Variants in CARD10 observed in about 807,000 individuals in gnomAD.
The protein encoded by CARD10 is caspase recruitment domain-containing protein 10.
A neutral mutation model predicts 114.6 loss-of-function variants in CARD10; 49 were observed. That is an observed-to-expected ratio of 0.43 (90% CI 0.34 to 0.54). The LOEUF (loss-of-function observed/expected upper bound fraction) is 0.54. Among genes scored for constraint, CARD10 ranks in the 20% least tolerant of loss-of-function variants. CARD10 has a pLI of 0.03. For missense variants in CARD10, 1,206 were observed against 1,397.2 expected (o/e 0.86, Z 2.18); for synonymous variants, 602 against 593.2 (o/e 1.01, Z -0.21).
intron 3 of CARD10, among the ~76,000 whole-genome samples, chr22:37,511,055 C>A (rs1205325875): frequency 6.8e-6 from 1 of 146,542 alleles, no homozygotes. Flanking sequence ...ACACTCCAGC[C>A]TGGGCAGCAG....
rs779732014 is a variant in CARD10, at chr22:37,510,420, A to T, written c.701T>A (p.Val234Glu). 1 of 1,613,170 alleles carries T rather than the reference A, an allele frequency of 6.2e-7. No homozygotes were observed. The highest frequency in any genetic ancestry group is 1.7e-5 in the Admixed American group (1 of 59,996). Residue 234 changes from valine (V) to glutamate (E), a missense_variant and splice_region_variant, in exon 4 of 20, where the codon GTG becomes GAG. Around this residue, in one of 2 missense-constraint regions of CARD10, gnomAD observed 1,068 missense variants for 1,179.1 expected, o/e 0.91. Transcript: ENST00000251973. ...VLRSRDLQLA[V>E]DQLKLKVSRL... The stretch of plus-strand genomic sequence containing the variant: ...ACTCACTTTGAGCTTGAGCTGATCC[A>T]CCTGGAGCCCAAGACATGGGTCAGC...
chr22:37,518,825 A>G, intron 1 of CARD10, 141 bp downstream of exon 1: 1 of 1,041,682 alleles, frequency 9.6e-7, no homozygotes, highest in Non-Finnish European at 1.3e-6. Context: ...GCTGGTGGGC[A>G]TACCCAGCCG....
At position 37,507,872 on chromosome 22, in the gene CARD10, G is replaced by C. The variant is rs776687884; in HGVS notation, c.1148C>G (p.Thr383Ser). 2 of 1,614,204 alleles carry C rather than the reference G, an allele frequency of 1.2e-6. No individual in the cohort carries two copies. Among genetic ancestry groups the C allele is most frequent in the African/African-American group, 1.3e-5 (1 of 75,066 alleles). ...DCDLYKHRMA[T>S]VLAQLEEIEK... is the part of the protein sequence containing the mutation. ...AATCTCCTCCAGTTGGGCCAGGACA[G>C]TGGCCATGCGGTGCTTGTACAGGTC... The change falls in exon 6 of 20, where the codon ACT becomes AGT. Residue 383 changes from threonine to serine, a missense_variant. This residue lies in a region of CARD10 where 1,068 missense variants were observed against 1,179.1 expected (regional missense o/e 0.91). Coordinates refer to ENST00000251973, the MANE Select transcript of CARD10 (RefSeq NM_014550.4).
In CARD10 at chr22:37,496,730, C is replaced by T. The variant is rs150364155; in HGVS notation, c.1948-170G>A. On this transcript the variant is annotated intron_variant, in intron 12 of 19. Coordinates refer to ENST00000251973, the MANE Select transcript of CARD10 (RefSeq NM_014550.4). The surrounding 1 kb of genome is among the most constrained non-coding windows in gnomAD (Gnocchi z 4.1). Reference sequence around the variant, plus strand: ...GTCAGACCCGTCCCCATCCACAGGACGCCCCCATCCACAGGACTCCCCAAC... The same window carrying T: ...GTCAGACCCGTCCCCATCCACAGGATGCCCCCATCCACAGGACTCCCCAAC... The T allele has an allele frequency of 1.0e-3, 656 of 643,542 alleles. 6 individuals carry two copies. The African/African-American group carries it at 0.011, about 11-fold the overall frequency. 39.9% of individuals were successfully genotyped at this position (643,542 alleles called of 1,614,324 possible).
At position 37,519,333 on chromosome 22, in the gene CARD10, C is replaced by G. The variant is rs1923953804; in HGVS notation, c.-133G>C. On this transcript the variant is annotated 5_prime_UTR_variant, in exon 1 of 20. Coordinates refer to ENST00000251973, the MANE Select transcript of CARD10 (RefSeq NM_014550.4). This position sits in a 1 kb window ranked among gnomAD's most constrained non-coding sequence, Gnocchi z 4.1. ...CGTCGGGGGCGCGCCCCGAGCTCCC[C>G]GCGACTCACCCCGCACGCTACAGTC... 7.5e-6 allele frequency: 10 copies of G among 1,335,080 alleles called. No homozygotes were observed. Among genetic ancestry groups the G allele is most frequent in the East Asian group, 3.1e-5 (1 of 32,478 alleles). 82.7% of individuals were successfully genotyped at this position (1,335,080 alleles called of 1,614,324 possible). A position where few individuals can be genotyped will look rare whatever the true frequency, so the allele number is the denominator to read the frequency against.
chr22:37,510,608 G>A, intron 3 of CARD10, 187 bp from the exon 4 acceptor site: 2 of 592,584 alleles, frequency 3.4e-6, no homozygotes, highest in Non-Finnish European at 5.9e-6. Context: ...AAACAGGGCT[G>A]AGGAAGGAGC....
intron 4 of CARD10, chr22:37,508,947 T>G: frequency 6.6e-7 from 1 of 1,517,636 alleles, no homozygotes; most frequent in Non-Finnish European, 8.9e-7. Flanking sequence ...CTGGACAAGT[T>G]CACCCAGGAT....
chr22:37,516,264 C>A lies in CARD10; in HGVS notation c.408G>T (p.Leu136Phe). Residue 136 changes from leucine (L) to phenylalanine (F), a missense_variant, in exon 3 of 20, where the codon TTG (leucine) becomes TTT (phenylalanine). Physicochemically the swap from Leu to Phe is conservative, Grantham distance 22. Coordinates refer to ENST00000251973, the MANE Select transcript of CARD10 (RefSeq NM_014550.4). Reference sequence around the variant, plus strand: ...CCCGCAGCCGTCGCACCTCTGTCATCAAGAATTGGGTCAGGCCCTCAGGCC... The same window carrying A: ...CCCGCAGCCGTCGCACCTCTGTCATAAAGAATTGGGTCAGGCCCTCAGGCC... Reference protein sequence around the residue: ...EEGPEGLTQFLMTEVRRLREA... With the variant: ...EEGPEGLTQFFMTEVRRLREA... 1 of 1,603,936 alleles carries A rather than the reference C, an allele frequency of 6.2e-7. No individual in the cohort carries two copies. The highest frequency in any genetic ancestry group is 8.5e-7 in the Non-Finnish European group (1 of 1,175,876).
At chr22:37,505,730 G>C (rs1401816032) in intron 7 of CARD10, among the ~76,000 whole-genome samples, 2 of 151,982 alleles carry the variant, frequency 1.3e-5, no homozygotes, top group Non-Finnish European at 2.9e-5. Flanking sequence ...CAGCTCCAGT[G>C]CTAGCTGGCT....
rs141659865 is a variant in CARD10 at position 37,509,501 on chromosome 22, G to A, written c.909+711C>T. 7.6e-4 allele frequency among the ~76,000 whole-genome samples: 115 copies of A among 152,160 alleles called. No homozygotes were observed. In the East Asian group the frequency reaches 0.016, roughly 21 times the overall value. ...ACTCCATCCAGATCTCAGATCCCTG[G>A]TTCTGAAATCCTCAGCTTCCCAGGC... On this transcript the variant is annotated intron_variant, in intron 4 of 19. Transcript: ENST00000251973.
rs1366121301 is a variant in CARD10, at chr22:37,491,135, G to C, written c.*24C>G. 1 of 1,521,168 alleles carries C rather than the reference G, an allele frequency of 6.6e-7. No individual in the cohort carries two copies. Among genetic ancestry groups the C allele is most frequent in the Admixed American group, 2.0e-5 (1 of 50,992 alleles). The allele number at this position is 1,521,168 out of a possible 1,614,324, so 94.2% of individuals were successfully genotyped here. A position where few individuals can be genotyped will look rare whatever the true frequency, so the allele number is the denominator to read the frequency against. On this transcript the variant is annotated 3_prime_UTR_variant, in exon 20 of 20. Coordinates refer to ENST00000251973, the MANE Select transcript of CARD10 (RefSeq NM_014550.4). ...ACCAGGGTCCACGCTGGCTTGGGGA[G>C]AAGGTGCAGGTATCAGATGAGCCTC...
chr22:37,516,331 G>A, intron 2 of CARD10, 33 bp from the exon 3 acceptor site: 2 of 1,472,304 alleles, frequency 1.4e-6, no homozygotes, highest in Non-Finnish European at 1.8e-6. Context: ...AGAATAGGCA[G>A]CTCAGGCAAG....
rs906229428 is a variant in CARD10, at chr22:37,508,433, G to A, written c.1065+94C>T. On this transcript the variant is annotated intron_variant, in intron 5 of 19. Coordinates refer to ENST00000251973, the MANE Select transcript of CARD10 (RefSeq NM_014550.4). ...AAATGAATGCAGTTCTCAGCGCGGC[G>A]CCTGCGTCAAGCAGATGCTCAGGGA... 5.7e-5 allele frequency: 74 copies of A among 1,308,564 alleles called. 1 individual carries two copies. The highest frequency in any genetic ancestry group is 2.7e-4 in the South Asian group (18 of 67,032). 81.1% of individuals were successfully genotyped at this position (1,308,564 alleles called of 1,614,324 possible). A position where few individuals can be genotyped will look rare whatever the true frequency, so the allele number is the denominator to read the frequency against.
Position 37,490,808 on chromosome 22 carries a change from C to T in CARD10, c.*351G>A. 1 of 261,084 alleles carries T rather than the reference C, an allele frequency of 3.8e-6. No homozygotes were observed. The highest frequency in any genetic ancestry group is 6.7e-5 in the South Asian group (1 of 14,988). 16.2% of individuals were successfully genotyped at this position (261,084 alleles called of 1,614,324 possible). On this transcript the variant is annotated 3_prime_UTR_variant, in exon 20 of 20. Transcript: ENST00000251973. ...GGGCAGCGGGACAGACCTGAGCCTG[C>T]CCATGAGAACTTGAGTGTGCAAACC...
At chr22:37,512,102 A>G (rs1194657417) in intron 3 of CARD10, 1 of 152,282 alleles carries the variant, frequency 6.6e-6, no homozygotes, top group Non-Finnish European at 1.5e-5. Context: ...AGCTTCAAAC[A>G]AAATCCCATG....
intron 3 of CARD10, among the ~76,000 whole-genome samples, chr22:37,515,546 A>C (rs1293129064): frequency 6.9e-6 from 1 of 143,938 alleles, no homozygotes; most frequent in African/African-American, 2.6e-5. Context: ...CTGGGCAACA[A>C]GGGTGAGACT....
chr22:37,491,934 C>T, intron 18 of CARD10, 67 bp from the exon 19 acceptor site: 2 of 1,060,706 alleles, frequency 1.9e-6, no homozygotes, highest in South Asian at 2.5e-5. Context: ...TGCGCTGCCC[C>T]CAGACGGGTC....
At position 37,495,546 on chromosome 22, in the gene CARD10, A is replaced by AGG; in HGVS notation, c.2342_2343dup (p.Ser782ProfsTer12). Reference sequence around the variant, plus strand: ...CTGCGGGGGCCTCGGTGCCGGCTGGAGGGCAGGCATTTCTCCTGAACTTCT... The same window carrying AGG: ...CTGCGGGGGCCTCGGTGCCGGCTGGAGGGGGCAGGCATTTCTCCTGAACTTCT... On this transcript the variant is annotated frameshift_variant, in exon 15 of 20. Coordinates refer to ENST00000251973, the MANE Select transcript of CARD10 (RefSeq NM_014550.4). LOFTEE classifies it high-confidence loss of function. 6.2e-7 allele frequency: 1 copy of AGG among 1,612,940 alleles called. No homozygotes were observed.
At chr22:37,518,829 C>T in intron 1 of CARD10, 137 bp downstream of exon 1, 1 of 1,104,162 alleles carries the variant, frequency 9.1e-7, no homozygotes, top group Non-Finnish European at 1.2e-6. Context: ...GTGGGCATAC[C>T]CAGCCGGCCC....
Sources: allele counts gnomAD v4.1 joint callset (sites outside exome capture counted in the v4.1 genomes callset), GRCh38; gene constraint gnomAD v4.1.1; regional missense constraint gnomAD v4.1.1; non-coding constraint Gnocchi (gnomAD v3.1); transcripts MANE v1.5; gene names NCBI Gene and HGNC (gene_info 2026-07-23, HGNC 2026-07-21).